The following AHCYL2 variants were observed in gnomAD, a reference collection of about 807,000 sequenced individuals.
AHCYL2 encodes the protein S-adenosylhomocysteine hydrolase-like protein 2.
A neutral mutation model predicts 81.4 loss-of-function variants in AHCYL2; 28 were observed. The observed-to-expected ratio is 0.34, with a 90% CI of 0.25 to 0.47. AHCYL2 has a LOEUF of 0.47. Ranked by LOEUF, AHCYL2 falls within the 20% of genes least tolerant of loss-of-function variation. AHCYL2 has a pLI of 1.00. For synonymous variants in AHCYL2, 272 were observed against 290.2 expected, an observed-to-expected ratio of 0.94 and a Z score of 0.64; for missense variants, 551 against 785.1, an observed-to-expected ratio of 0.70 and a Z score of 3.56.
chr7:129,274,555 T>A (rs1475883405), intron 1 of AHCYL2, among the ~76,000 whole-genome samples: 1 of 152,164 alleles, frequency 6.6e-6, no homozygotes, highest in Non-Finnish European at 1.5e-5. Flanking sequence ...ATTTCCCTTG[T>A]CCCCTTGAAT....
chr7:129,289,897 C>T (rs1433160341), intron 1 of AHCYL2, among the ~76,000 whole-genome samples: 3 of 151,994 alleles, frequency 2.0e-5, no homozygotes, highest in Non-Finnish European at 4.4e-5. Context: ...ATTCTCCTGC[C>T]TCAGTCTCCT....
At chr7:129,296,744 C>T (rs1260990833) in intron 1 of AHCYL2, among the ~76,000 whole-genome samples, 1 of 151,914 alleles carries the variant, frequency 6.6e-6, no homozygotes, top group African/African-American at 2.4e-5. Flanking sequence ...TTTTGGCTTC[C>T]TAGAATGGTC....
chr7:129,285,929 C>T (rs1195627259), intron 1 of AHCYL2, among the ~76,000 whole-genome samples: 1 of 151,934 alleles, frequency 6.6e-6, no homozygotes, highest in Non-Finnish European at 1.5e-5. Context: ...CCAAGCTGGT[C>T]TCAAATTCCT....
At chr7:129,291,095 A>G (rs2150750935) in intron 1 of AHCYL2, among the ~76,000 whole-genome samples, 1 of 152,270 alleles carries the variant, frequency 6.6e-6, no homozygotes, top group South Asian at 2.1e-4. Flanking sequence ...TTGCTGTAAG[A>G]TAAGTAACAT....
intron 1 of AHCYL2, among the ~76,000 whole-genome samples, chr7:129,349,468 C>CAAAAAA (rs56205996): frequency 1.0e-5 from 1 of 98,468 alleles, no homozygotes; most frequent in African/African-American, 3.9e-5. Context: ...CCATCTCTAC[C>CAAAAAA]AAAAAAAAAA....
intron 11 of AHCYL2, among the ~76,000 whole-genome samples, chr7:129,413,302 C>T (rs1584902291): frequency 6.6e-6 from 1 of 152,066 alleles, no homozygotes; most frequent in Non-Finnish European, 1.5e-5. Context: ...CCACCACACC[C>T]AGCTAATTTT....
intron 1 of AHCYL2, among the ~76,000 whole-genome samples, chr7:129,267,396 C>G (rs1416044388): frequency 3.3e-5 from 5 of 152,046 alleles, no homozygotes; most frequent in Non-Finnish European, 1.5e-5. Flanking sequence ...ACTCCACCTC[C>G]CAGGTTCAAG....
intron 1 of AHCYL2, among the ~76,000 whole-genome samples, chr7:129,359,590 C>T (rs930980034): frequency 1.3e-5 from 2 of 152,212 alleles, no homozygotes; most frequent in Non-Finnish European, 2.9e-5. Flanking sequence ...ATTTAACCCC[C>T]AACCTCCAGC....
intron 1 of AHCYL2, among the ~76,000 whole-genome samples, chr7:129,258,727 AG>A (rs774352202): frequency 6.6e-6 from 1 of 152,162 alleles, no homozygotes. Context: ...ATCCTTTTGT[AG>A]GTCATGAACT....
chr7:129,413,668 T>G lies in AHCYL2; in HGVS notation c.1441T>G (p.Ser481Ala). 1.9e-6 allele frequency: 3 copies of G among 1,614,090 alleles called. No individual in the cohort carries two copies. Among genetic ancestry groups the G allele is most frequent in the Non-Finnish European group, 2.5e-6 (3 of 1,179,990 alleles). Residue 481 changes from serine to alanine, a missense_variant, in exon 12 of 17, where the codon TCC (serine) becomes GCC (alanine). Ser to Ala is a moderately conservative substitution (Grantham distance 99). Transcript: ENST00000325006. ...CTGCATCGTTTGTAACATGGGACAT[T>G]CCAACACAGAGATTGACGTGGTAAG... is the stretch of plus-strand genomic sequence containing the variant. ...NSCIVCNMGH[S>A]NTEIDVASLR...
At chr7:129,317,715 A>G (rs1208610868) in intron 1 of AHCYL2, among the ~76,000 whole-genome samples, 9 of 152,162 alleles carry the variant, frequency 5.9e-5, no homozygotes, top group Non-Finnish European at 1.5e-5. Context: ...GGTCCATACA[A>G]TAGGTTCTCT....
At position 129,287,034 on chromosome 7, in the gene AHCYL2, A is replaced by G. The variant is rs996849316; in HGVS notation, c.363+61595A>G. Among the ~76,000 whole-genome samples, 12 of 150,336 alleles carry G rather than the reference A, an allele frequency of 8.0e-5. No individual in the cohort carries two copies. The South Asian group carries it at 1.9e-3, about 24-fold the overall frequency. On this transcript the variant is annotated intron_variant, in intron 1 of 16. Coordinates refer to ENST00000325006, the MANE Select transcript of AHCYL2 (RefSeq NM_015328.4). The stretch of plus-strand genomic sequence containing the variant: ...AAAGTAACTACATTTTCTAAAACAA[A>G]GACATTTAATGGGAAGAAAAGCATT...
At chr7:129,391,018 G>A (rs1471959810) in intron 4 of AHCYL2, among the ~76,000 whole-genome samples, 3 of 151,424 alleles carry the variant, frequency 2.0e-5, no homozygotes, top group African/African-American at 7.3e-5. Flanking sequence ...TATGAAGGAG[G>A]AATAAAAAAA....
At chr7:129,343,012 A>G (rs112394755) in intron 1 of AHCYL2, among the ~76,000 whole-genome samples, 12 of 152,162 alleles carry the variant, frequency 7.9e-5, no homozygotes, top group African/African-American at 2.9e-4. Flanking sequence ...TTATATAGGG[A>G]AGTATACTAT....
At chr7:129,341,853 G>A (rs2150817157) in intron 1 of AHCYL2, among the ~76,000 whole-genome samples, 1 of 152,262 alleles carries the variant, frequency 6.6e-6, no homozygotes, top group Admixed American at 6.5e-5. Context: ...ATCTGTCCAC[G>A]ATCTTGAGAA....
intron 1 of AHCYL2, among the ~76,000 whole-genome samples, chr7:129,367,699 A>G (rs1348920851): frequency 6.6e-6 from 1 of 152,196 alleles, no homozygotes; most frequent in African/African-American, 2.4e-5. Flanking sequence ...TCACTTTGCA[A>G]TCAGCACCTG....
chr7:129,318,442 A>T (rs1198294335), intron 1 of AHCYL2, among the ~76,000 whole-genome samples: 1 of 152,190 alleles, frequency 6.6e-6, no homozygotes, highest in Non-Finnish European at 1.5e-5. Context: ...GACTATTCAA[A>T]ATTATATTCC....
rs1038107982 is a variant in AHCYL2, at chr7:129,225,299, C to G, written c.223C>G (p.Pro75Ala). 161 of 1,476,424 alleles carry G rather than the reference C, an allele frequency of 1.1e-4. No individual in the cohort carries two copies. Among genetic ancestry groups the G allele is most frequent in the Non-Finnish European group, 1.4e-4 (159 of 1,122,156 alleles). The allele number at this position is 1,476,424 out of a possible 1,614,324, so 91.5% of individuals were successfully genotyped here. Reference sequence around the variant, plus strand: ...CTCGGGGCCCGCCGCCGCTCTCAGCCCCGCCGCCGGGAAGGTGCCTCAGGC... The same window carrying G: ...CTCGGGGCCCGCCGCCGCTCTCAGCGCCGCCGCCGGGAAGGTGCCTCAGGC... ...PGSGPAAALS[P>A]AAGKVPQASA... The change falls in exon 1 of 17, where the codon CCC (proline) becomes GCC (alanine). Residue 75 changes from proline to alanine, a missense_variant. Coordinates refer to ENST00000325006, the MANE Select transcript of AHCYL2 (RefSeq NM_015328.4).
intron 1 of AHCYL2, among the ~76,000 whole-genome samples, chr7:129,353,609 A>G (rs940284459): frequency 1.3e-5 from 2 of 150,242 alleles, no homozygotes; most frequent in Non-Finnish European, 3.0e-5. Flanking sequence ...TAAGCAAATA[A>G]TTTTAGATGT....
Sources: allele counts gnomAD v4.1 joint callset (sites outside exome capture counted in the v4.1 genomes callset), GRCh38; gene constraint gnomAD v4.1.1; transcripts MANE v1.5; gene names NCBI Gene and HGNC (gene_info 2026-07-23, HGNC 2026-07-21).